CSMD1: variants seen among roughly 807,000 people sequenced by gnomAD.
CSMD1 encodes CUB and sushi domain-containing protein 1.
CSMD1 carries 213 observed loss-of-function variants against 417.5 expected under a neutral mutation model. The ratio of observed to expected loss-of-function variants is 0.51; its 90% CI spans 0.46 to 0.57. The LOEUF (loss-of-function observed/expected upper bound fraction) is 0.57. Among genes scored for constraint, CSMD1 ranks in the 20% least tolerant of loss-of-function variants. The pLI, the probability that CSMD1 is intolerant of heterozygous loss-of-function variation, is 0.00. For synonymous variants in CSMD1, 2,862 were observed against 1,736.8 expected (o/e 1.65, Z -16.11); for missense variants, 6,923 against 4,529.7 (o/e 1.53, Z -15.17).
intron 7 of CSMD1, among the ~76,000 whole-genome samples, chr8:3,625,262 T>C (rs1490654216): frequency 6.6e-6 from 1 of 152,198 alleles, no homozygotes; most frequent in African/African-American, 2.4e-5. Context: ...ATAGTTCACA[T>C]AGAAGTAAGT....
intron 25 of CSMD1, among the ~76,000 whole-genome samples, chr8:3,288,515 G>T (rs1211911191): frequency 6.8e-6 from 1 of 146,878 alleles, no homozygotes; most frequent in Admixed American, 6.7e-5. Flanking sequence ...ACTTCTTCCT[G>T]GTTTAGTCTT....
chr8:4,146,914 A>G, intron 3 of CSMD1, among the ~76,000 whole-genome samples: 1 of 144,318 alleles, frequency 6.9e-6, no homozygotes, highest in South Asian at 2.1e-4. Context: ...CACCGGCCAG[A>G]CACACTGAAC....
chr8:4,017,931 G>A (rs1230431879), intron 4 of CSMD1, among the ~76,000 whole-genome samples: 1 of 152,090 alleles, frequency 6.6e-6, no homozygotes, highest in African/African-American at 2.4e-5. Context: ...CAATCATAAA[G>A]CTGGTTGCAC....
At chr8:3,849,412 G>A (rs994009481) in intron 5 of CSMD1, among the ~76,000 whole-genome samples, 3 of 152,148 alleles carry the variant, frequency 2.0e-5, no homozygotes, top group African/African-American at 7.2e-5. Flanking sequence ...ACGAAAGGGA[G>A]TCCTTGCTTA....
rs185506831 is a variant in CSMD1 at position 4,254,110 on chromosome 8, G to A, written c.415+165843C>T. Among the ~76,000 whole-genome samples the A allele has an allele frequency of 5.2e-3, 794 of 151,760 alleles. 12 individuals are homozygous for A. The highest frequency in any genetic ancestry group is 0.018 in the African/African-American group (760 of 41,352). ...TTTTTTGTGTTTTTAGTAGAGACAG[G>A]GTTTCACCGTGTTAGCCAGGGTGGT... On this transcript the variant is annotated intron_variant, in intron 3 of 69. Transcript: ENST00000635120.
chr8:3,338,389 G>T (rs1201420622), intron 23 of CSMD1, among the ~76,000 whole-genome samples: 1 of 152,140 alleles, frequency 6.6e-6, no homozygotes, highest in Non-Finnish European at 1.5e-5. Flanking sequence ...ATAAAATAAT[G>T]GAAATTGTGT....
At chr8:3,770,902 A>C (rs1048677946) in intron 5 of CSMD1, among the ~76,000 whole-genome samples, 1 of 152,194 alleles carries the variant, frequency 6.6e-6, no homozygotes, top group African/African-American at 2.4e-5. Context: ...TTGCAGGATT[A>C]AATTAATCAT....
intron 5 of CSMD1, among the ~76,000 whole-genome samples, chr8:3,844,350 C>T (rs1452439417): frequency 6.6e-6 from 1 of 152,016 alleles, no homozygotes; most frequent in African/African-American, 2.4e-5. Flanking sequence ...TTCAGGAAGT[C>T]CCAGAAGTTC....
At chr8:3,971,039 C>T (rs1813048880) in intron 5 of CSMD1, among the ~76,000 whole-genome samples, 1 of 152,184 alleles carries the variant, frequency 6.6e-6, no homozygotes, top group African/African-American at 2.4e-5. Context: ...GCATGAGTCA[C>T]CGCGCCCGGC....
At chr8:3,881,179 G>C (rs188062368) in intron 5 of CSMD1, among the ~76,000 whole-genome samples, 8 of 151,926 alleles carry the variant, frequency 5.3e-5, no homozygotes, top group Non-Finnish European at 8.8e-5. Context: ...ATATTTTAAA[G>C]ATGGCAATTC....
Position 4,169,719 on chromosome 8 carries a change from C to T in CSMD1, c.416-137620G>A, listed in dbSNP as rs118093816. ...CCCTGTGCATGGCTTGCTCCCTACC[C>T]CATTCTCACTTGTGGAGGTTCAAAC... is the stretch of plus-strand genomic sequence containing the variant. On this transcript the variant is annotated intron_variant, in intron 3 of 69. Transcript: ENST00000635120. Among the ~76,000 whole-genome samples, 192 of 152,264 alleles carry T rather than the reference C, an allele frequency of 1.3e-3. 1 individual carries two copies. Among genetic ancestry groups the T allele is most frequent in the South Asian group, 0.011 (52 of 4,832 alleles).
intron 46 of CSMD1, among the ~76,000 whole-genome samples, chr8:3,099,642 A>G (rs1367455643): frequency 6.6e-6 from 1 of 152,182 alleles, no homozygotes; most frequent in Non-Finnish European, 1.5e-5. Context: ...TGGAAGTAAG[A>G]AACCTTTACT....
At chr8:3,506,719 A>G (rs1350832301) in intron 10 of CSMD1, among the ~76,000 whole-genome samples, 1 of 152,222 alleles carries the variant, frequency 6.6e-6, no homozygotes, top group East Asian at 1.9e-4. Context: ...GAAAGGAGGC[A>G]ATGATTGACT....
intron 3 of CSMD1, among the ~76,000 whole-genome samples, chr8:4,055,241 A>G (rs1798631762): frequency 6.6e-6 from 1 of 152,204 alleles, no homozygotes; most frequent in Non-Finnish European, 1.5e-5. Context: ...CAATAGGATT[A>G]CTTGCCTCAA....
At chr8:3,824,793 A>G (rs1257016624) in intron 5 of CSMD1, among the ~76,000 whole-genome samples, 1 of 152,120 alleles carries the variant, frequency 6.6e-6, no homozygotes, top group Non-Finnish European at 1.5e-5. Flanking sequence ...GCAGAGTTCT[A>G]AGGTCTAAAC....
chr8:3,464,967 T>A (rs911713586), intron 12 of CSMD1, among the ~76,000 whole-genome samples: 21 of 151,738 alleles, frequency 1.4e-4, no homozygotes, highest in African/African-American at 3.9e-4. Context: ...CAATTCACAC[T>A]CTCTCTCTCT....
Position 4,681,669 on chromosome 8 carries a change from T to C in CSMD1, c.86-44111A>G, listed in dbSNP as rs186605920. Among the ~76,000 whole-genome samples, 323 of 151,884 alleles carry C rather than the reference T, an allele frequency of 2.1e-3. 2 individuals carry two copies. Among genetic ancestry groups the C allele is most frequent in the African/African-American group, 7.0e-3 (289 of 41,414 alleles). Reference sequence around the variant, plus strand: ...GGCACGTCAATCCTGCTCTCATACATCCCCCCTTTTCCTCATACAAAATAA... The same window carrying C: ...GGCACGTCAATCCTGCTCTCATACACCCCCCCTTTTCCTCATACAAAATAA... On this transcript the variant is annotated intron_variant, in intron 1 of 69. Coordinates refer to ENST00000635120, the MANE Select transcript of CSMD1 (RefSeq NM_033225.6).
chr8:3,119,787 C>T (rs1341263866), intron 41 of CSMD1, among the ~76,000 whole-genome samples: 1 of 152,182 alleles, frequency 6.6e-6, no homozygotes, highest in African/African-American at 2.4e-5. Flanking sequence ...AGCAAAGCCA[C>T]ACCATGCAGC....
At chr8:3,508,566 G>C (rs1322022954) in intron 10 of CSMD1, among the ~76,000 whole-genome samples, 1 of 151,982 alleles carries the variant, frequency 6.6e-6, no homozygotes, top group Non-Finnish European at 1.5e-5. Context: ...AGAATGAAAA[G>C]ATTCAGATGA....
Sources: allele counts gnomAD v4.1 joint callset (sites outside exome capture counted in the v4.1 genomes callset), GRCh38; gene constraint gnomAD v4.1.1; transcripts MANE v1.5; gene names NCBI Gene and HGNC (gene_info 2026-07-23, HGNC 2026-07-21).